The following NFAT5 variants were observed in gnomAD, a reference collection of about 807,000 sequenced individuals.
NFAT5 encodes nuclear factor of activated T cells 5.
Under a neutral mutation model 166.5 loss-of-function variants are expected in NFAT5, and 31 were observed. The observed-to-expected ratio is 0.19, with a 90% confidence interval of 0.14 to 0.25. The LOEUF (loss-of-function observed/expected upper bound fraction) is 0.25. Ranked by LOEUF, NFAT5 falls within the 10% of genes least tolerant of loss-of-function variation. NFAT5 has a pLI of 1.00. For missense variants in NFAT5, 1,449 were observed against 1,821.8 expected (o/e 0.80, Z 3.72); for synonymous variants, 612 against 639.7 (o/e 0.96, Z 0.65).
intron 3 of NFAT5, among the ~76,000 whole-genome samples, chr16:69,638,850 A>C (rs2035083867): frequency 6.6e-6 from 1 of 152,114 alleles, no homozygotes; most frequent in South Asian, 2.1e-4. Flanking sequence ...CCTTCAGATA[A>C]TATCCCTTGG....
intron 2 of NFAT5, among the ~76,000 whole-genome samples, chr16:69,606,455 T>C (rs1244070335): frequency 6.6e-6 from 1 of 151,626 alleles, no homozygotes; most frequent in Non-Finnish European, 1.5e-5. Context: ...AAAATCTGAT[T>C]TTTAAATGTT....
At chr16:69,670,152 C>T (rs760316672) in intron 8 of NFAT5, 41 bp downstream of exon 8, 7 of 1,597,696 alleles carry the variant, frequency 4.4e-6, no homozygotes, top group Non-Finnish European at 6.0e-6. Context: ...TGTATGTTTT[C>T]ACTTTGTTAT....
In NFAT5 at chr16:69,692,760, G is replaced by T; in HGVS notation, c.2935G>T (p.Val979Phe). Residue 979 changes from valine (V) to phenylalanine (F), a missense_variant, in exon 13 of 15, where the codon GTT (valine) becomes TTT (phenylalanine). Physicochemically the swap from Val to Phe is conservative, Grantham distance 50. Coordinates refer to ENST00000349945, the MANE Select transcript of NFAT5 (RefSeq NM_138713.4). ...TGAATTGTTTTCTTCTCCTCCTGCAGTTTCTGGAAATGAAACTTCTACAAC... is the reference window on the plus strand; with the variant it reads ...TGAATTGTTTTCTTCTCCTCCTGCATTTTCTGGAAATGAAACTTCTACAAC... ...QCELFSSPPA[V>F]SGNETSTTTT... 6.2e-7 allele frequency: 1 copy of T among 1,614,198 alleles called. No individual in the cohort carries two copies. The highest frequency in any genetic ancestry group is 8.5e-7 in the Non-Finnish European group (1 of 1,180,040).
In NFAT5 at chr16:69,655,648, G is replaced by A. The variant is rs778731998; in HGVS notation, c.1045G>A (p.Val349Met). Residue 349 changes from valine (V) to methionine (M), a missense_variant, in exon 6 of 15, where the codon GTG becomes ATG. Val to Met is a conservative substitution (Grantham distance 21). Transcript: ENST00000349945. The stretch of plus-strand genomic sequence containing the variant: ...TGAACCTGTAGTGTTGCAAGTGTTT[G>A]TGGGCAACGACTCTGGACGAGTGAA... ...HNEPVVLQVF[V>M]GNDSGRVKPH... 6.2e-7 allele frequency: 1 copy of A among 1,612,328 alleles called. No homozygotes were observed. The highest frequency in any genetic ancestry group is 2.2e-5 in the East Asian group (1 of 44,808).
intron 2 of NFAT5, among the ~76,000 whole-genome samples, chr16:69,621,187 A>T (rs1321343972): frequency 1.3e-5 from 2 of 152,006 alleles, no homozygotes; most frequent in Non-Finnish European, 2.9e-5. Context: ...TTATTAGAGC[A>T]CTGTTAGATA....
chr16:69,680,962 G>A (rs939322146), intron 10 of NFAT5, among the ~76,000 whole-genome samples: 2 of 152,122 alleles, frequency 1.3e-5, no homozygotes, highest in Admixed American at 1.3e-4. Flanking sequence ...GTTTCACCAT[G>A]TTGGCCAGGC....
At chr16:69,677,495 G>A (rs1444668128) in intron 10 of NFAT5, among the ~76,000 whole-genome samples, 160 bp downstream of exon 10, 1 of 152,128 alleles carries the variant, frequency 6.6e-6, no homozygotes, top group Non-Finnish European at 1.5e-5. Flanking sequence ...GAGGACAGCC[G>A]CCAGATACTG....
Position 69,681,491 on chromosome 16 carries a change from G to A in NFAT5, c.1691-3396G>A, listed in dbSNP as rs569851674. ...TGGGCTATGGTAGCATGAGGAGAGA[G>A]CATCCCTGCCTGCCACCCTTCTTTT... On this transcript the variant is annotated intron_variant, in intron 10 of 14. Coordinates refer to ENST00000349945, the MANE Select transcript of NFAT5 (RefSeq NM_138713.4). 1.8e-3 allele frequency among the ~76,000 whole-genome samples: 268 copies of A among 152,280 alleles called. 2 individuals are homozygous for A. Among genetic ancestry groups the A allele is most frequent in the South Asian group, 7.0e-3 (34 of 4,828 alleles).
At chr16:69,603,966 T>A (rs2033270375) in intron 2 of NFAT5, among the ~76,000 whole-genome samples, 1 of 152,234 alleles carries the variant, frequency 6.6e-6, no homozygotes, top group South Asian at 2.1e-4. Context: ...ATATTATACT[T>A]AATTATATAA....
At chr16:69,686,900 G>GTAAA (rs10694251) in intron 11 of NFAT5, among the ~76,000 whole-genome samples, 99,220 of 151,508 alleles carry the variant, frequency 0.65, 33,184 homozygotes, top group East Asian at 0.9. Context: ...AAATTGTTTG[G>GTAAA]TAGAGATTAC....
At chr16:69,631,647 G>A (rs1455712541) in intron 3 of NFAT5, among the ~76,000 whole-genome samples, 1 of 151,670 alleles carries the variant, frequency 6.6e-6, no homozygotes, top group African/African-American at 2.4e-5. Flanking sequence ...TGTTTTTTGA[G>A]ATGGAGTCTT....
At chr16:69,570,934 G>A (rs190585884) in intron 2 of NFAT5, among the ~76,000 whole-genome samples, 4 of 152,106 alleles carry the variant, frequency 2.6e-5, no homozygotes, top group Non-Finnish European at 4.4e-5. Flanking sequence ...TTCGTGTAAA[G>A]CATTTAATTT....
chr16:69,566,388 T>TG lies in NFAT5; in HGVS notation c.73+20dup, dbSNP rs749649974. 41 of 649,620 alleles carry TG rather than the reference T, an allele frequency of 6.3e-5. No homozygotes were observed. The highest frequency in any genetic ancestry group is 2.9e-4 in the Middle Eastern group (1 of 3,476). 40.2% of individuals were successfully genotyped at this position (649,620 alleles called of 1,614,324 possible). On this transcript the variant is annotated intron_variant, in intron 1 of 14. Transcript: ENST00000349945. This position sits in a 1 kb window ranked among gnomAD's most constrained non-coding sequence, Gnocchi z 5.7. Reference sequence around the variant, plus strand: ...TCTACTCGCGAGGTGAGTCAGGCTGTGGGGGGTGGGGCGTGGGGGCGGGGA... The same window carrying TG: ...TCTACTCGCGAGGTGAGTCAGGCTGTGGGGGGGTGGGGCGTGGGGGCGGGGA...
chr16:69,669,103 C>G (rs1256283017), intron 7 of NFAT5, among the ~76,000 whole-genome samples: 1 of 152,098 alleles, frequency 6.6e-6, no homozygotes, highest in Non-Finnish European at 1.5e-5. Flanking sequence ...CACTATTGCC[C>G]AGGCTGGTCT....
chr16:69,636,607 C>A (rs1299728629), intron 3 of NFAT5, among the ~76,000 whole-genome samples: 1 of 152,228 alleles, frequency 6.6e-6, no homozygotes, highest in Non-Finnish European at 1.5e-5. Context: ...AGGCTCAACA[C>A]TACATGGAAG....
chr16:69,646,520 T>C, intron 3 of NFAT5: 1 of 1,247,754 alleles, frequency 8.0e-7, no homozygotes, highest in Non-Finnish European at 1.0e-6. Flanking sequence ...ATTCCAGGAT[T>C]TGCCTCTGAA....
chr16:69,609,832 A>G (rs1597394725), intron 2 of NFAT5, among the ~76,000 whole-genome samples: 2 of 151,456 alleles, frequency 1.3e-5, no homozygotes. Flanking sequence ...AAAAAAAAAA[A>G]AAAAAAAAAG....
intron 6 of NFAT5, among the ~76,000 whole-genome samples, chr16:69,656,660 C>T (rs926122340): frequency 6.6e-6 from 1 of 152,044 alleles, no homozygotes; most frequent in Non-Finnish European, 1.5e-5. Context: ...CCATCTTGGC[C>T]AGGCTGGTCT....
chr16:69,583,648 T>C (rs762928367), intron 2 of NFAT5, among the ~76,000 whole-genome samples: 2 of 152,144 alleles, frequency 1.3e-5, no homozygotes, highest in African/African-American at 2.4e-5. Context: ...TCTAGTGAAG[T>C]CCAGTTTTGC....
Sources: allele counts gnomAD v4.1 joint callset (sites outside exome capture counted in the v4.1 genomes callset), GRCh38; gene constraint gnomAD v4.1.1; non-coding constraint Gnocchi (gnomAD v3.1); transcripts MANE v1.5; gene names NCBI Gene and HGNC (gene_info 2026-07-23, HGNC 2026-07-21).